Variants in PIK3CB observed in about 807,000 individuals in gnomAD.
The protein encoded by PIK3CB is phosphatidylinositol 4,5-bisphosphate 3-kinase catalytic subunit beta isoform.
Under a neutral mutation model 136.8 loss-of-function variants are expected in PIK3CB, and 39 were observed. The ratio of observed to expected loss-of-function variants is 0.29; its 90% CI spans 0.22 to 0.37. The LOEUF is 0.37. Ranked by LOEUF, PIK3CB falls within the 10% of genes least tolerant of loss-of-function variation. The pLI is 1.00. For missense variants in PIK3CB, 868 were observed against 1,275.4 expected (o/e 0.68, Z 4.87); for synonymous variants, 428 against 436.6 (o/e 0.98, Z 0.25).
chr3:138,702,256 G>A (rs1015097472), intron 12 of PIK3CB, among the ~76,000 whole-genome samples: 1 of 114,536 alleles, frequency 8.7e-6, no homozygotes, highest in Non-Finnish European at 1.8e-5. Context: ...TTTTTTTTTT[G>A]TAGAGATGGG....
At chr3:138,763,276 T>G (rs897372828) in intron 2 of PIK3CB, among the ~76,000 whole-genome samples, 6 of 152,086 alleles carry the variant, frequency 3.9e-5, no homozygotes, top group Non-Finnish European at 8.8e-5. Context: ...GTAGCTGGGA[T>G]TACAGGCACA....
At chr3:138,704,184 T>C (rs1173247170) in intron 12 of PIK3CB, among the ~76,000 whole-genome samples, 2 of 152,204 alleles carry the variant, frequency 1.3e-5, no homozygotes, top group Non-Finnish European at 2.9e-5. Context: ...TGTTAATCTA[T>C]GAGGTGCCAC....
intron 6 of PIK3CB, among the ~76,000 whole-genome samples, chr3:138,736,654 A>C (rs760635511): frequency 3.9e-5 from 6 of 152,228 alleles, no homozygotes; most frequent in Non-Finnish European, 8.8e-5. Context: ...TGCACTGCAC[A>C]TAGCATATTT....
At chr3:138,681,533 A>G (rs1017482969) in intron 19 of PIK3CB, among the ~76,000 whole-genome samples, 1 of 152,062 alleles carries the variant, frequency 6.6e-6, no homozygotes, top group Non-Finnish European at 1.5e-5. Flanking sequence ...ATCTACCCCT[A>G]TTGATGGTGG....
chr3:138,810,770 A>T (rs1932997066), intron 1 of PIK3CB, among the ~76,000 whole-genome samples: 1 of 151,900 alleles, frequency 6.6e-6, no homozygotes, highest in Non-Finnish European at 1.5e-5. Context: ...CACAAAAAAA[A>T]TTAGCTGGGC....
At chr3:138,796,009 C>A (rs1278792159) in intron 2 of PIK3CB, among the ~76,000 whole-genome samples, 1 of 152,122 alleles carries the variant, frequency 6.6e-6, no homozygotes, top group Non-Finnish European at 1.5e-5. Context: ...GAAACATAAT[C>A]CTCAATAACA....
intron 2 of PIK3CB, among the ~76,000 whole-genome samples, chr3:138,784,957 C>G (rs1040126614): frequency 1.3e-5 from 2 of 152,022 alleles, no homozygotes; most frequent in African/African-American, 4.8e-5. Flanking sequence ...GCGTCTCTGC[C>G]CGGCCACCCC....
At chr3:138,826,154 G>A in intron 1 of PIK3CB, 1 of 1,042,662 alleles carries the variant, frequency 9.6e-7, no homozygotes, top group South Asian at 1.3e-5. Context: ...TAGTTGATAT[G>A]GTTCCTGACA....
intron 14 of PIK3CB, among the ~76,000 whole-genome samples, chr3:138,692,168 T>C (rs2044023840): frequency 6.6e-6 from 1 of 152,164 alleles, no homozygotes; most frequent in South Asian, 2.1e-4. Flanking sequence ...TCCAGCAGTA[T>C]AAGGTATGAA....
At chr3:138,823,495 G>A (rs1045876094) in intron 1 of PIK3CB, among the ~76,000 whole-genome samples, 5 of 151,752 alleles carry the variant, frequency 3.3e-5, no homozygotes, top group Admixed American at 6.6e-5. Context: ...ACGAGGTCAG[G>A]AGATCGAGAC....
chr3:138,755,589 A>G (rs2108720220), intron 4 of PIK3CB, among the ~76,000 whole-genome samples, 165 bp downstream of exon 4: 1 of 152,298 alleles, frequency 6.6e-6, no homozygotes, highest in African/African-American at 2.4e-5. Context: ...CTAAACATTT[A>G]TTCTCAATTT....
chr3:138,791,092 A>G (rs749731287), intron 2 of PIK3CB, among the ~76,000 whole-genome samples: 43 of 151,834 alleles, frequency 2.8e-4, no homozygotes, highest in Admixed American at 4.6e-4. Context: ...AATCTGTTTT[A>G]TTGTACACCC....
intron 1 of PIK3CB, among the ~76,000 whole-genome samples, chr3:138,831,089 T>C (rs1934013720): frequency 6.9e-6 from 1 of 145,870 alleles, no homozygotes; most frequent in Admixed American, 6.9e-5. Context: ...AAGACCGCCC[T>C]GACTAACACG....
chr3:138,664,435 TAA>T (rs201066394), intron 20 of PIK3CB, among the ~76,000 whole-genome samples: 2,098 of 152,210 alleles, frequency 0.014, 17 homozygotes, highest in Non-Finnish European at 0.022. Context: ...TTCAAACATT[TAA>T]GTCACTGATT....
At chr3:138,713,635 C>A (rs1360439492) in intron 9 of PIK3CB, among the ~76,000 whole-genome samples, 1 of 152,078 alleles carries the variant, frequency 6.6e-6, no homozygotes, top group Non-Finnish European at 1.5e-5. Context: ...CGTGCCATTG[C>A]ACTCCATCCC....
chr3:138,807,512 T>C (rs929318761), intron 1 of PIK3CB, among the ~76,000 whole-genome samples: 1 of 152,086 alleles, frequency 6.6e-6, no homozygotes, highest in African/African-American at 2.4e-5. Flanking sequence ...CACTATAAAC[T>C]TTCTTAAAGT....
intron 1 of PIK3CB, among the ~76,000 whole-genome samples, chr3:138,829,582 C>A (rs1414368509): frequency 1.3e-5 from 2 of 152,176 alleles, no homozygotes; most frequent in East Asian, 3.8e-4. Flanking sequence ...AGATTTTACA[C>A]TCAAACAGGA....
At chr3:138,726,149 G>A (rs893412580) in intron 8 of PIK3CB, among the ~76,000 whole-genome samples, 2 of 152,166 alleles carry the variant, frequency 1.3e-5, no homozygotes, top group South Asian at 2.1e-4. Context: ...CTTGGCTAAT[G>A]GAATATGCCA....
intron 8 of PIK3CB, among the ~76,000 whole-genome samples, chr3:138,726,127 A>G (rs551220376): frequency 1.3e-5 from 2 of 152,324 alleles, no homozygotes; most frequent in Admixed American, 1.3e-4. Flanking sequence ...CTACACATTA[A>G]CCAGTTTGAG....
Sources: gnomAD v4.1 joint callset for allele counts (sites outside exome capture counted in the v4.1 genomes callset) on GRCh38, gnomAD v4.1.1 for gene constraint, MANE v1.5 for transcripts, NCBI Gene and HGNC (gene_info 2026-07-23, HGNC 2026-07-21) for gene names.